MCC: variants seen among roughly 807,000 people sequenced by gnomAD.
MCC encodes colorectal mutant cancer protein.
In MCC, 90 loss-of-function variants were observed where a neutral mutation model predicts 116.2. That is an observed-to-expected ratio of 0.77 (90% CI 0.65 to 0.92). MCC has a LOEUF of 0.92. MCC is among the 40% of genes least tolerant of loss of function. The pLI is 0.00. For missense variants in MCC, 1,516 were observed against 1,312.2 expected (o/e 1.16, Z -2.40); for synonymous variants, 578 against 510.5 (o/e 1.13, Z -1.78).
chr5:113,333,846 T>TATATGTACATATGTATATATGTAC (rs1767794211), intron 3 of MCC, among the ~76,000 whole-genome samples: 1 of 62,638 alleles, frequency 1.6e-5, no homozygotes, highest in Non-Finnish European at 3.1e-5. Context: ...TATATATGTA[T>TATATGTACATATGTATATATGTAC]ATATGTACAT....
chr5:113,108,664 A>G (rs1391782788), intron 6 of MCC, among the ~76,000 whole-genome samples: 2 of 152,100 alleles, frequency 1.3e-5, no homozygotes. Flanking sequence ...AAAAAAAAAA[A>G]AAAAAAGGGA....
intron 7 of MCC, among the ~76,000 whole-genome samples, chr5:113,103,098 A>G (rs1021903021): frequency 5.9e-5 from 9 of 152,224 alleles, no homozygotes; most frequent in Admixed American, 2.6e-4. Flanking sequence ...TGGGCGACAG[A>G]GCAAGACTCC....
intron 3 of MCC, among the ~76,000 whole-genome samples, chr5:113,225,413 A>G (rs2150331378): frequency 6.6e-6 from 1 of 152,320 alleles, no homozygotes; most frequent in Admixed American, 6.5e-5. Context: ...TTCTTCAACA[A>G]AAACTTCTCA....
At chr5:113,030,216 G>C (rs1750859634) in intron 17 of MCC, among the ~76,000 whole-genome samples, 1 of 152,116 alleles carries the variant, frequency 6.6e-6, no homozygotes, top group African/African-American at 2.4e-5. Flanking sequence ...TCTAGGAATT[G>C]ATTTTACAGA....
chr5:113,354,802 A>ATTATTATTATTATTG (rs59377042), intron 2 of MCC, among the ~76,000 whole-genome samples: 7,625 of 148,402 alleles, frequency 0.051, 515 homozygotes, highest in African/African-American at 0.15. Flanking sequence ...TATTATTATT[A>ATTATTATTATTATTG]TTATTCAACA....
intron 3 of MCC, among the ~76,000 whole-genome samples, chr5:113,237,611 G>A (rs910717575): frequency 2.6e-5 from 4 of 152,216 alleles, no homozygotes; most frequent in Non-Finnish European, 4.4e-5. Flanking sequence ...GGAAACACGG[G>A]CCAGGGGAAA....
intron 17 of MCC, among the ~76,000 whole-genome samples, chr5:113,038,718 TCCTGCC>T (rs1751485727): frequency 6.6e-6 from 1 of 151,972 alleles, no homozygotes; most frequent in South Asian, 2.1e-4. Flanking sequence ...GACAAGGCCC[TCCTGCC>T]ACTGGATATA....
intron 17 of MCC, among the ~76,000 whole-genome samples, chr5:113,039,715 C>CCG (rs1561742409): frequency 7.2e-6 from 1 of 139,198 alleles, no homozygotes; most frequent in African/African-American, 2.6e-5. Context: ...CTCCGCGCCC[C>CCG]CCCCCCCAAC....
chr5:113,055,448 C>T (rs540023652), intron 14 of MCC, among the ~76,000 whole-genome samples: 21 of 152,254 alleles, frequency 1.4e-4, no homozygotes, highest in South Asian at 4.1e-4. Context: ...ACAAGGCTTC[C>T]GGGGAGAGAA....
At chr5:113,178,593 C>T (rs1310705888) in intron 3 of MCC, among the ~76,000 whole-genome samples, 2 of 152,138 alleles carry the variant, frequency 1.3e-5, no homozygotes, top group East Asian at 3.8e-4. Flanking sequence ...GCAGAGATAG[C>T]TAAACTTCTG....
At chr5:113,458,551 A>G (rs1274551385) in intron 1 of MCC, among the ~76,000 whole-genome samples, 3 of 152,202 alleles carry the variant, frequency 2.0e-5, no homozygotes, top group African/African-American at 4.8e-5. Context: ...TCCAGACACA[A>G]TAATGCTTCC....
rs1171305574 is a variant in MCC at position 113,026,434 on chromosome 5, G to A, written c.*868C>T. 6.6e-6 allele frequency: 1 copy of A among 152,240 alleles called. No individual in the cohort carries two copies. Among genetic ancestry groups the A allele is most frequent in the African/African-American group, 2.4e-5 (1 of 41,464 alleles). The allele number at this position is 152,240 out of a possible 1,614,324, so 9.4% of individuals were successfully genotyped here. On this transcript the variant is annotated 3_prime_UTR_variant, in exon 19 of 19. Transcript: ENST00000408903. ...ATTATGTAGTGCCCTGGGGCGGGAA[G>A]TGCTAATAATGTTTCTCAGCTCTTG...
intron 3 of MCC, among the ~76,000 whole-genome samples, chr5:113,166,314 A>G (rs141311546): frequency 6.4e-4 from 97 of 152,300 alleles, no homozygotes; most frequent in African/African-American, 2.3e-3. Flanking sequence ...TACAATACAA[A>G]AACTAAAATT....
At chr5:113,111,845 G>A (rs74634987) in intron 6 of MCC, among the ~76,000 whole-genome samples, 7 of 152,288 alleles carry the variant, frequency 4.6e-5, no homozygotes, top group African/African-American at 1.4e-4. Flanking sequence ...GAGCCTTCTG[G>A]CTTAGTTAAA....
intron 1 of MCC, among the ~76,000 whole-genome samples, chr5:113,457,027 G>A (rs148330229): frequency 1.7e-3 from 263 of 152,306 alleles, no homozygotes; most frequent in African/African-American, 5.9e-3. Context: ...TCCTCTGCCT[G>A]GGCTCCCACT....
chr5:113,117,652 A>T (rs1235651393), intron 6 of MCC, among the ~76,000 whole-genome samples: 1 of 152,234 alleles, frequency 6.6e-6, no homozygotes, highest in Non-Finnish European at 1.5e-5. Flanking sequence ...TTTGTTTTGG[A>T]AACAGTTGCT....
intron 3 of MCC, among the ~76,000 whole-genome samples, chr5:113,319,637 T>C (rs1214571127): frequency 6.6e-6 from 1 of 152,232 alleles, no homozygotes; most frequent in African/African-American, 2.4e-5. Context: ...CCTGTTTCCA[T>C]GCATGGCTCA....
At chr5:113,100,635 C>T (rs1455721772) in intron 8 of MCC, among the ~76,000 whole-genome samples, 1 of 152,048 alleles carries the variant, frequency 6.6e-6, no homozygotes, top group Non-Finnish European at 1.5e-5. Context: ...CCATGTCTGG[C>T]TAATTTTTGT....
rs370579485 is a variant in MCC at position 113,433,847 on chromosome 5, T to C, written c.171-48635A>G. 186 of 1,613,938 alleles carry C rather than the reference T, an allele frequency of 1.2e-4. 1 individual carries two copies. Among genetic ancestry groups the C allele is most frequent in the Non-Finnish European group, 9.0e-5 (106 of 1,179,914 alleles). On this transcript the variant is annotated intron_variant, in intron 1 of 18. Transcript: ENST00000408903. ...CCGACTGCCTGGACATTTGCATTGC[T>C]GTCCCCTCGGGTTTTGTCTCAGGCT... is the stretch of plus-strand genomic sequence containing the variant.
Sources: gnomAD v4.1 joint callset for allele counts (sites outside exome capture counted in the v4.1 genomes callset) on GRCh38, gnomAD v4.1.1 for gene constraint, MANE v1.5 for transcripts, NCBI Gene and HGNC (gene_info 2026-07-23, HGNC 2026-07-21) for gene names.